Variants in PDCD10 observed in about 807,000 individuals in gnomAD.
The protein encoded by PDCD10 is programmed cell death protein 10.
PDCD10 carries 4 observed loss-of-function variants against 29.2 expected under a neutral mutation model. The observed-to-expected ratio is 0.14, with a 90% CI of 0.07 to 0.31. The LOEUF (loss-of-function observed/expected upper bound fraction) is 0.31, where lower values mean the gene tolerates loss of function less well. Ranked by LOEUF, PDCD10 falls within the 10% of genes least tolerant of loss-of-function variation. The pLI, the probability that PDCD10 is intolerant of heterozygous loss-of-function variation, is 1.00. For missense variants in PDCD10, 183 were observed against 257.9 expected, an observed-to-expected ratio of 0.71 and a Z score of 1.99; for synonymous variants, 70 against 82.2, an observed-to-expected ratio of 0.85 and a Z score of 0.80.
chr3:167,696,914 G>T, intron 5 of PDCD10, 95 bp downstream of exon 5: 1 of 780,970 alleles, frequency 1.3e-6, no homozygotes, highest in East Asian at 2.5e-5. Context: ...AGGGAAAACA[G>T]TAGGGAAGGA....
At chr3:167,714,572 G>C (rs1722828890) in intron 3 of PDCD10, among the ~76,000 whole-genome samples, 1 of 151,734 alleles carries the variant, frequency 6.6e-6, no homozygotes, top group South Asian at 2.1e-4. Flanking sequence ...GAAACTATTA[G>C]AACAGATAAA....
intron 2 of PDCD10, among the ~76,000 whole-genome samples, chr3:167,730,160 C>T (rs1186953426): frequency 6.6e-6 from 1 of 152,104 alleles, no homozygotes; most frequent in Non-Finnish European, 1.5e-5. Context: ...TATCTTTCAG[C>T]ACATAAATTA....
chr3:167,727,566 T>G lies in PDCD10; in HGVS notation c.-117+6648A>C, dbSNP rs75417747. 5.9e-5 allele frequency among the ~76,000 whole-genome samples: 9 copies of G among 152,336 alleles called. No homozygotes were observed. In the East Asian group the frequency reaches 1.7e-3, roughly 29 times the overall value. ...TAATTGAGGTACATGTCTATTTTCC[T>G]TTTTATTAGTATTATTCCTTGTCTT... On this transcript the variant is annotated intron_variant, in intron 2 of 8. Transcript: ENST00000392750.
chr3:167,725,798 T>C (rs1205985632), intron 2 of PDCD10, among the ~76,000 whole-genome samples: 3 of 109,702 alleles, frequency 2.7e-5, no homozygotes, highest in Non-Finnish European at 5.8e-5. Context: ...TATATATATA[T>C]ATATATATAT....
intron 4 of PDCD10, 51 bp downstream of exon 4, chr3:167,704,791 T>C: frequency 7.9e-7 from 1 of 1,270,908 alleles, no homozygotes; most frequent in Non-Finnish European, 1.2e-6. Context: ...TGTACTTACA[T>C]TTACAAAGAA....
At chr3:167,712,976 TAGAG>T (rs938056231) in intron 3 of PDCD10, among the ~76,000 whole-genome samples, 3 of 151,996 alleles carry the variant, frequency 2.0e-5, no homozygotes, top group African/African-American at 7.2e-5. Flanking sequence ...TAGAACTAAA[TAGAG>T]AGACTGAGCA....
intron 6 of PDCD10, chr3:167,694,781 G>C (rs946254905): frequency 7.9e-5 from 12 of 152,404 alleles, no homozygotes; most frequent in South Asian, 2.1e-4. Context: ...TATTCCAAGT[G>C]AGTCTCCTTA....
In PDCD10 at chr3:167,684,228, TAC is replaced by T; in HGVS notation, c.*78_*79del. ...CCCTTCAGGAGGGACTGATAATTTA[TAC>T]AGTCAAACTTTAAAATTTACAGATA... On this transcript the variant is annotated 3_prime_UTR_variant, in exon 9 of 9. Coordinates refer to ENST00000392750, the MANE Select transcript of PDCD10 (RefSeq NM_007217.4). The T allele has an allele frequency of 1.2e-6, 1 of 807,908 alleles. No individual in the cohort carries two copies. The highest frequency in any genetic ancestry group is 2.2e-6 in the Non-Finnish European group (1 of 452,800). 50.0% of individuals were successfully genotyped at this position (807,908 alleles called of 1,614,324 possible).
chr3:167,688,053 CT>C (rs1719817134), intron 6 of PDCD10, among the ~76,000 whole-genome samples: 1 of 152,188 alleles, frequency 6.6e-6, no homozygotes, highest in African/African-American at 2.4e-5. Context: ...TTTCTTTGCT[CT>C]GGCTAATGTA....
At position 167,731,900 on chromosome 3, in the gene PDCD10, T is replaced by C. The variant is rs1400677049; in HGVS notation, c.-117+2314A>G. Among the ~76,000 whole-genome samples, 4 of 152,166 alleles carry C rather than the reference T, an allele frequency of 2.6e-5. No individual in the cohort carries two copies. The East Asian group carries it at 7.7e-4, about 29-fold the overall frequency. On this transcript the variant is annotated intron_variant, in intron 2 of 8. Transcript: ENST00000392750. ...GAAAACTGACTACCAGGTGGCCACA[T>C]TTAGGTAGGCGTGAGGGGAACAGTC...
chr3:167,732,973 A>C (rs888059759), intron 2 of PDCD10, among the ~76,000 whole-genome samples: 1 of 152,232 alleles, frequency 6.6e-6, no homozygotes, highest in Non-Finnish European at 1.5e-5. Flanking sequence ...CTTATGGTAC[A>C]TTATTCCTGA....
At chr3:167,695,793 C>T in intron 5 of PDCD10, 71 bp from the exon 6 acceptor site, 1 of 1,494,266 alleles carries the variant, frequency 6.7e-7, no homozygotes. Flanking sequence ...TAAGAATTTC[C>T]AATGTTGGTC....
intron 2 of PDCD10, among the ~76,000 whole-genome samples, 176 bp downstream of exon 2, chr3:167,734,038 C>A (rs942605715): frequency 3.9e-5 from 6 of 152,180 alleles, no homozygotes; most frequent in Non-Finnish European, 7.3e-5. Context: ...ACTTCCTCCA[C>A]CCTTTTCAAA....
rs12633189 is a variant in PDCD10 at position 167,711,739 on chromosome 3, G to A, written c.97-6844C>T. ...GCATTTAATAATCAACCCCCCAAAG[G>A]TCAAGCATAAAGGATCCTAAAAGCA... is the stretch of plus-strand genomic sequence containing the variant. On this transcript the variant is annotated intron_variant, in intron 3 of 8. Coordinates refer to ENST00000392750, the MANE Select transcript of PDCD10 (RefSeq NM_007217.4). Among the ~76,000 whole-genome samples the A allele has an allele frequency of 1.1e-3, 172 of 151,798 alleles. 2 individuals are homozygous for A. In the East Asian group the frequency reaches 0.027, roughly 24 times the overall value.
intron 4 of PDCD10, among the ~76,000 whole-genome samples, chr3:167,703,530 T>C (rs1559959577): frequency 6.6e-6 from 1 of 152,076 alleles, no homozygotes; most frequent in Non-Finnish European, 1.5e-5. Flanking sequence ...AGAATGGGCT[T>C]ATAGTTTCAA....
At chr3:167,711,358 T>G (rs569020905) in intron 3 of PDCD10, among the ~76,000 whole-genome samples, 1 of 152,160 alleles carries the variant, frequency 6.6e-6, no homozygotes, top group South Asian at 2.1e-4. Flanking sequence ...AAGCAGAAAT[T>G]CTAGAACTGA....
intron 4 of PDCD10, among the ~76,000 whole-genome samples, chr3:167,699,935 CATGTT>C (rs896901212): frequency 6.6e-6 from 1 of 152,096 alleles, no homozygotes; most frequent in Non-Finnish European, 1.5e-5. Flanking sequence ...AATAAAAACA[CATGTT>C]ATGAATGCAT....
At chr3:167,711,710 C>A (rs917935210) in intron 3 of PDCD10, among the ~76,000 whole-genome samples, 10 of 151,864 alleles carry the variant, frequency 6.6e-5, no homozygotes, top group African/African-American at 2.4e-4. Context: ...AAGACTGTGT[C>A]GAGGCATTTA....
chr3:167,720,702 A>C (rs1430644486), intron 2 of PDCD10, among the ~76,000 whole-genome samples: 1 of 152,124 alleles, frequency 6.6e-6, no homozygotes, highest in African/African-American at 2.4e-5. Flanking sequence ...TCGAAGAATC[A>C]ATAAAGAAGA....
Sources: gnomAD v4.1 joint callset for allele counts (sites outside exome capture counted in the v4.1 genomes callset) on GRCh38, gnomAD v4.1.1 for gene constraint, MANE v1.5 for transcripts, NCBI Gene and HGNC (gene_info 2026-07-23, HGNC 2026-07-21) for gene names.